The following IFT52 variants were observed in gnomAD, a reference collection of about 807,000 sequenced individuals.
IFT52 encodes intraflagellar transport 52.
Under a neutral mutation model 54.4 loss-of-function variants are expected in IFT52, and 44 were observed. The observed-to-expected ratio is 0.81, with a 90% confidence interval of 0.63 to 1.04. The LOEUF (loss-of-function observed/expected upper bound fraction) is 1.04, where lower values mean the gene tolerates loss of function less well. IFT52 is among the 50% of genes least tolerant of loss of function. The pLI, the probability that IFT52 is intolerant of heterozygous loss-of-function variation, is 0.00. For synonymous variants in IFT52, 181 were observed against 185.3 expected, an observed-to-expected ratio of 0.98 and a Z score of 0.19; for missense variants, 452 against 523.6, an observed-to-expected ratio of 0.86 and a Z score of 1.33.
intron 10 of IFT52, among the ~76,000 whole-genome samples, chr20:43,630,017 G>A (rs188467045): frequency 5.9e-5 from 9 of 152,192 alleles, no homozygotes; most frequent in African/African-American, 1.9e-4. Context: ...AGGAGGTGAG[G>A]GTGCTTTTAA....
At chr20:43,630,970 G>A (rs181106079) in intron 10 of IFT52, among the ~76,000 whole-genome samples, 5 of 152,292 alleles carry the variant, frequency 3.3e-5, no homozygotes, top group Admixed American at 1.3e-4. Context: ...GACAGAAAGC[G>A]GAAATAAATT....
intron 10 of IFT52, among the ~76,000 whole-genome samples, chr20:43,626,498 G>A (rs576160991): frequency 5.3e-5 from 8 of 151,966 alleles, no homozygotes; most frequent in South Asian, 2.1e-4. Flanking sequence ...CACCTACCTC[G>A]GCCTCCCAAA....
At chr20:43,595,044 G>A (rs1405512234) in intron 2 of IFT52, among the ~76,000 whole-genome samples, 1 of 151,896 alleles carries the variant, frequency 6.6e-6, no homozygotes. Context: ...TGGCCGGCAC[G>A]GTGGCTGACA....
intron 2 of IFT52, among the ~76,000 whole-genome samples, chr20:43,595,072 T>C (rs1158582368): frequency 6.6e-6 from 1 of 151,332 alleles, no homozygotes; most frequent in Non-Finnish European, 1.5e-5. Context: ...TCCCAGCACT[T>C]TGGGAGGCCA....
intron 6 of IFT52, among the ~76,000 whole-genome samples, chr20:43,607,413 C>T (rs1417526119): frequency 6.7e-5 from 10 of 148,428 alleles, no homozygotes; most frequent in African/African-American, 1.5e-4. Flanking sequence ...ACTTCTCAGA[C>T]GGGGCGGCTG....
At chr20:43,628,534 A>G (rs1452105704) in intron 10 of IFT52, among the ~76,000 whole-genome samples, 1 of 152,182 alleles carries the variant, frequency 6.6e-6, no homozygotes, top group Non-Finnish European at 1.5e-5. Flanking sequence ...TTTTGATGAA[A>G]TAGGAAACAA....
intron 6 of IFT52, among the ~76,000 whole-genome samples, chr20:43,613,385 A>G (rs973197555): frequency 6.6e-6 from 1 of 152,168 alleles, no homozygotes; most frequent in Admixed American, 6.5e-5. Context: ...ATTTACTTTC[A>G]TGTTTTTTAA....
chr20:43,605,658 A>G (rs1469723055), intron 6 of IFT52, among the ~76,000 whole-genome samples: 3 of 152,122 alleles, frequency 2.0e-5, no homozygotes, highest in African/African-American at 7.2e-5. Context: ...GATATATCCC[A>G]GTTTATCTAA....
intron 6 of IFT52, among the ~76,000 whole-genome samples, chr20:43,609,932 G>C (rs1040421209): frequency 2.6e-5 from 4 of 151,450 alleles, no homozygotes; most frequent in African/African-American, 9.7e-5. Flanking sequence ...CTGGGCAACA[G>C]AGCAAGACTC....
At position 43,624,983 on chromosome 20, in the gene IFT52, T is replaced by C. The variant is rs577918115; in HGVS notation, c.923+938T>C. Among the ~76,000 whole-genome samples, 7 of 152,222 alleles carry C rather than the reference T, an allele frequency of 4.6e-5. No individual in the cohort carries two copies. In the South Asian group the frequency reaches 1.2e-3, roughly 27 times the overall value. On this transcript the variant is annotated intron_variant, in intron 10 of 13. Transcript: ENST00000373030. ...GCTGCCATTCTCCTTGTGCCTTGCT[T>C]ATACATCCACTCAGCAAGTATTTGT...
rs774155176 is a variant in IFT52, at chr20:43,594,819, T to TA, written c.119+2_119+3insA. The TA allele has an allele frequency of 5.8e-6, 8 of 1,387,940 alleles. No individual in the cohort carries two copies. In the East Asian group the frequency reaches 1.8e-4, roughly 32 times the overall value. 86.0% of individuals were successfully genotyped at this position (1,387,940 alleles called of 1,614,324 possible). A position where few individuals can be genotyped will look rare whatever the true frequency, so the allele number is the denominator to read the frequency against. On this transcript the variant is annotated splice_region_variant and intron_variant, in intron 2 of 13. Coordinates refer to ENST00000373030, the MANE Select transcript of IFT52 (RefSeq NM_016004.5). Reference sequence around the variant, plus strand: ...TCGGAGTAATTGGAAGATTCAGAGGTGACTGACCATGTATATTGTTTTCCC... The same window carrying TA: ...TCGGAGTAATTGGAAGATTCAGAGGTAGACTGACCATGTATATTGTTTTCCC...
At position 43,638,169 on chromosome 20, in the gene IFT52, G is replaced by A. The variant is rs537413935; in HGVS notation, c.1120+916G>A. 2.0e-5 allele frequency among the ~76,000 whole-genome samples: 3 copies of A among 149,264 alleles called. No homozygotes were observed. In the East Asian group the frequency reaches 5.9e-4, roughly 29 times the overall value. ...ACTTTGAGGCAGTGACCCCACTCCT[G>A]GAACTCTAATCTAAGGAGATTATAT... On this transcript the variant is annotated intron_variant, in intron 12 of 13. Transcript: ENST00000373030.
At chr20:43,636,133 G>A (rs1985525879) in intron 11 of IFT52, 120 bp downstream of exon 11, 3 of 867,324 alleles carry the variant, frequency 3.5e-6, no homozygotes, top group African/African-American at 3.3e-5. Flanking sequence ...TGGAGTCATA[G>A]TGCTCTGTCT....
At chr20:43,621,762 C>T (rs545106668) in intron 9 of IFT52, among the ~76,000 whole-genome samples, 1 of 152,306 alleles carries the variant, frequency 6.6e-6, no homozygotes, top group African/African-American at 2.4e-5. Flanking sequence ...TGGGCCCAGC[C>T]TTCTAGTTTT....
At chr20:43,619,129 A>G in intron 8 of IFT52, 103 bp downstream of exon 8, 1 of 792,280 alleles carries the variant, frequency 1.3e-6, no homozygotes, top group South Asian at 1.7e-5. Flanking sequence ...GCAGCTACTC[A>G]GAACCCATTA....
At chr20:43,624,895 A>G (rs910985945) in intron 10 of IFT52, among the ~76,000 whole-genome samples, 2 of 152,030 alleles carry the variant, frequency 1.3e-5, no homozygotes, top group Admixed American at 1.3e-4. Context: ...TGGAATCCTC[A>G]TTGCCTAAGA....
chr20:43,615,940 A>C (rs1983825765), intron 7 of IFT52, among the ~76,000 whole-genome samples: 1 of 8,800 alleles, frequency 1.1e-4, no homozygotes, highest in Admixed American at 1.5e-3. Flanking sequence ...GTCTCAAAGA[A>C]AAAAAAAATA....
chr20:43,609,184 G>C (rs1027107136), intron 6 of IFT52, among the ~76,000 whole-genome samples: 1 of 152,106 alleles, frequency 6.6e-6, no homozygotes, highest in Non-Finnish European at 1.5e-5. Flanking sequence ...TGAGGCTGCA[G>C]TGAGCCGTGA....
intron 6 of IFT52, among the ~76,000 whole-genome samples, chr20:43,608,041 G>A (rs1983107841): frequency 1.5e-5 from 1 of 66,460 alleles, no homozygotes; most frequent in African/African-American, 4.4e-5. Flanking sequence ...ACAGGCACTC[G>A]GCAGGCTGAG....
Sources: allele counts gnomAD v4.1 joint callset (sites outside exome capture counted in the v4.1 genomes callset), GRCh38; gene constraint gnomAD v4.1.1; transcripts MANE v1.5; gene names NCBI Gene and HGNC (gene_info 2026-07-23, HGNC 2026-07-21).